The following GPHN variants were observed in gnomAD, a reference collection of about 807,000 sequenced individuals.
The protein encoded by GPHN is gephyrin.
A neutral mutation model predicts 95.5 loss-of-function variants in GPHN; 17 were observed. The ratio of observed to expected loss-of-function variants is 0.18; its 90% CI spans 0.12 to 0.27. The LOEUF is 0.27. Ranked by LOEUF, GPHN falls within the 10% of genes least tolerant of loss-of-function variation. The probability of loss-of-function intolerance (pLI) is 1.00; values close to 1 mark genes in which losing one functional copy is unlikely to be tolerated. For synonymous variants in GPHN, 320 were observed against 322.5 expected, an observed-to-expected ratio of 0.99 and a Z score of 0.08; for missense variants, 660 against 978.1, an observed-to-expected ratio of 0.67 and a Z score of 4.34.
At chr14:66,819,721 A>G (rs2061117858) in intron 3 of GPHN, among the ~76,000 whole-genome samples, 1 of 152,118 alleles carries the variant, frequency 6.6e-6, no homozygotes, top group African/African-American at 2.4e-5. Context: ...AATTCAAACA[A>G]GGCAAAAATG....
chr14:67,348,692 T>C, the GPHN span, among the ~76,000 whole-genome samples: 1 of 150,430 alleles, frequency 6.6e-6, no homozygotes, highest in Non-Finnish European at 1.5e-5. Context: ...TGGCTAATTT[T>C]TGTATTATTA....
chr14:67,383,557 T>G, the GPHN span: 4 of 1,419,138 alleles, frequency 2.8e-6, no homozygotes, highest in East Asian at 1.1e-4. Flanking sequence ...TTTTTATTTC[T>G]AAGTATTTAA....
chr14:66,657,362 T>G (rs1295098432), intron 1 of GPHN, among the ~76,000 whole-genome samples: 2 of 152,200 alleles, frequency 1.3e-5, no homozygotes, highest in Non-Finnish European at 2.9e-5. Context: ...AAGTGGTGAT[T>G]TAAAAGTTGC....
intron 8 of GPHN, among the ~76,000 whole-genome samples, chr14:66,935,986 G>A (rs779142601): frequency 2.0e-5 from 3 of 152,058 alleles, no homozygotes; most frequent in Non-Finnish European, 4.4e-5. Flanking sequence ...ATTCTAAGAT[G>A]GGAATTCTTG....
chr14:66,928,980 A>C (rs745485524), intron 8 of GPHN, among the ~76,000 whole-genome samples: 1 of 151,872 alleles, frequency 6.6e-6, no homozygotes, highest in African/African-American at 2.4e-5. Context: ...TGTATTCTGC[A>C]GCCATTGGAT....
chr14:67,562,758 A>G, the GPHN span: 11 of 1,613,728 alleles, frequency 6.8e-6, 1 homozygote, highest in Middle Eastern at 1.6e-4. Context: ...GAACCAGAGA[A>G]GATGGAGATG....
At chr14:67,722,151 G>T in the GPHN span, among the ~76,000 whole-genome samples, 149 of 152,168 alleles carry the variant, frequency 9.8e-4, no homozygotes, top group African/African-American at 3.4e-3. Context: ...CTGCTCTTCT[G>T]ACGTCTCTCT....
the GPHN span, chr14:67,591,975 G>A: frequency 2.0e-5 from 3 of 151,714 alleles, no homozygotes; most frequent in Non-Finnish European, 4.4e-5. Context: ...GCCTTTGTAG[G>A]ATACATACAT....
At chr14:66,718,283 G>T (rs2153426076) in intron 2 of GPHN, among the ~76,000 whole-genome samples, 1 of 152,256 alleles carries the variant, frequency 6.6e-6, no homozygotes, top group African/African-American at 2.4e-5. Flanking sequence ...GGGTCTCGCT[G>T]ACTTCAGGAA....
intron 4 of GPHN, among the ~76,000 whole-genome samples, chr14:66,850,632 A>G (rs551993114): frequency 1.3e-5 from 2 of 152,258 alleles, no homozygotes; most frequent in South Asian, 4.1e-4. Flanking sequence ...ACCTAGTGAT[A>G]TCAGGTGGGT....
At chr14:67,233,618 C>T in the GPHN span, among the ~76,000 whole-genome samples, 1 of 152,186 alleles carries the variant, frequency 6.6e-6, no homozygotes, top group African/African-American at 2.4e-5. Flanking sequence ...CTGACTTCCC[C>T]CAGTCTGTCT....
the GPHN span, chr14:67,204,779 G>T: frequency 6.2e-7 from 1 of 1,613,902 alleles, no homozygotes. Context: ...GACATCACAG[G>T]CTCCATGGAT....
At chr14:67,223,297 GC>G in the GPHN span, among the ~76,000 whole-genome samples, 1 of 152,026 alleles carries the variant, frequency 6.6e-6, no homozygotes, top group Non-Finnish European at 1.5e-5. Flanking sequence ...ACTGCGCCTG[GC>G]CCCCATTGGG....
At chr14:66,933,029 T>A (rs1297116277) in intron 8 of GPHN, among the ~76,000 whole-genome samples, 1 of 152,230 alleles carries the variant, frequency 6.6e-6, no homozygotes. Context: ...GACTTTCTCA[T>A]TGATTAACTA....
chr14:66,548,688 A>G (rs893639237), intron 1 of GPHN, among the ~76,000 whole-genome samples: 1 of 152,214 alleles, frequency 6.6e-6, no homozygotes, highest in African/African-American at 2.4e-5. Context: ...TAGGTGTTCA[A>G]GATCTAGAGA....
intron 4 of GPHN, among the ~76,000 whole-genome samples, chr14:66,867,966 G>A (rs2063291277): frequency 6.6e-6 from 1 of 152,108 alleles, no homozygotes; most frequent in Non-Finnish European, 1.5e-5. Context: ...TGTAAATTTT[G>A]AGGCACCTAG....
chr14:67,577,351 A>G, the GPHN span: 62 of 1,587,912 alleles, frequency 3.9e-5, 1 homozygote, highest in East Asian at 6.9e-5. Context: ...AAGACGGCCT[A>G]TACGCCTCCC....
At chr14:67,178,756 AC>A (rs2083152835) in intron 21 of GPHN, among the ~76,000 whole-genome samples, 1 of 152,206 alleles carries the variant, frequency 6.6e-6, no homozygotes, top group Non-Finnish European at 1.5e-5. Flanking sequence ...AATGTATTCA[AC>A]CCAAAAGATC....
At chr14:67,528,387 GTC>G in the GPHN span, among the ~76,000 whole-genome samples, 5 of 152,112 alleles carry the variant, frequency 3.3e-5, no homozygotes, top group East Asian at 7.7e-4. Flanking sequence ...TGGAGCCCTA[GTC>G]TCTCCCCACA....
Sources: allele counts gnomAD v4.1 joint callset (sites outside exome capture counted in the v4.1 genomes callset), GRCh38; gene constraint gnomAD v4.1.1; transcripts MANE v1.5; gene names NCBI Gene and HGNC (gene_info 2026-07-23, HGNC 2026-07-21).